Variants in FKBP1B observed in about 807,000 individuals in gnomAD.
The protein encoded by FKBP1B is peptidyl-prolyl cis-trans isomerase FKBP1B.
Under a neutral mutation model 13.5 loss-of-function variants are expected in FKBP1B, and 4 were observed. The ratio of observed to expected loss-of-function variants is 0.30; its 90% CI spans 0.15 to 0.68. The LOEUF (loss-of-function observed/expected upper bound fraction) is 0.68. Among genes scored for constraint, FKBP1B ranks in the 30% least tolerant of loss-of-function variants. FKBP1B has a pLI of 0.76. For synonymous variants in FKBP1B, 54 were observed against 53.6 expected (o/e 1.01, Z -0.03); for missense variants, 93 against 136.2 (o/e 0.68, Z 1.58).
In FKBP1B at chr2:24,050,197, T is replaced by C. The variant is rs1318322709; in HGVS notation, c.37+311T>C. On this transcript the variant is annotated intron_variant, in intron 1 of 3. Coordinates refer to ENST00000380986, the MANE Select transcript of FKBP1B (RefSeq NM_004116.5). The surrounding 1 kb of genome is among the most constrained non-coding windows in gnomAD (Gnocchi z 5.8). ...CGGCTGCAGTCGTTCGGTTATCCGCTGCTGCTGATACCCCAGCCTGGGTTT... is the reference window on the plus strand; with the variant it reads ...CGGCTGCAGTCGTTCGGTTATCCGCCGCTGCTGATACCCCAGCCTGGGTTT... Among the ~76,000 whole-genome samples the C allele has an allele frequency of 6.6e-6, 1 of 152,122 alleles. No homozygotes were observed. The highest frequency in any genetic ancestry group is 2.4e-5 in the African/African-American group (1 of 41,440).
rs1264400095 is a variant in FKBP1B, at chr2:24,054,035, C to T, written c.85+86C>T. The stretch of plus-strand genomic sequence containing the variant: ...TGAGCTTCTCTCCAGAGGTGCCTGC[C>T]TCTGGATCAGGGCTAAAGCCCAAGG... On this transcript the variant is annotated intron_variant, in intron 2 of 3. Transcript: ENST00000380986. 3.0e-6 allele frequency: 4 copies of T among 1,354,742 alleles called. No homozygotes were observed. The African/African-American group carries it at 5.7e-5, about 19-fold the overall frequency. 83.9% of individuals were successfully genotyped at this position (1,354,742 alleles called of 1,614,324 possible). A position where few individuals can be genotyped will look rare whatever the true frequency, so the allele number is the denominator to read the frequency against.
chr2:24,036,873 C>T, the FKBP1B span, among the ~76,000 whole-genome samples: 1 of 152,178 alleles, frequency 6.6e-6, no homozygotes, highest in African/African-American at 2.4e-5. Flanking sequence ...TGTTAAGCTG[C>T]TGGTTACAGC....
Position 24,049,766 on chromosome 2 carries a change from G to T in FKBP1B, c.-84G>T, listed in dbSNP as rs1025264632. Reference sequence around the variant, plus strand: ...GCAGTGGCGGCGAGGAGGCGAGCCGGAGCGACGGCGGGGCTGGGGCCGGAG... The same window carrying T: ...GCAGTGGCGGCGAGGAGGCGAGCCGTAGCGACGGCGGGGCTGGGGCCGGAG... On this transcript the variant is annotated 5_prime_UTR_variant, in exon 1 of 4. Coordinates refer to ENST00000380986, the MANE Select transcript of FKBP1B (RefSeq NM_004116.5). The T allele has an allele frequency of 2.8e-5, 33 of 1,166,052 alleles. No homozygotes were observed. The highest frequency in any genetic ancestry group is 3.3e-5 in the Non-Finnish European group (30 of 911,848). The allele number at this position is 1,166,052 out of a possible 1,614,324, so 72.2% of individuals were successfully genotyped here. A position where few individuals can be genotyped will look rare whatever the true frequency, so the allele number is the denominator to read the frequency against.
chr2:24,047,388 T>G (rs895996300), upstream of FKBP1B: 1 of 152,046 alleles, frequency 6.6e-6, no homozygotes, highest in Non-Finnish European at 1.5e-5. Flanking sequence ...ACATAAGAAG[T>G]TCTGGGCAGC....
chr2:24,037,848 T>G, the FKBP1B span: 1 of 1,614,204 alleles, frequency 6.2e-7, no homozygotes, highest in East Asian at 2.2e-5. Context: ...CCTTTTCACT[T>G]TGTAAGTTCT....
At position 24,063,390 on chromosome 2, in the gene FKBP1B, C is replaced by T; in HGVS notation, c.*198C>T. ...TCATGCGAATTCTTGCTTGAGGAAA[C>T]TTCGGTTGCAGATTGAAGCATTTCA... On this transcript the variant is annotated 3_prime_UTR_variant, in exon 4 of 4. Coordinates refer to ENST00000380986, the MANE Select transcript of FKBP1B (RefSeq NM_004116.5). 1.9e-6 allele frequency: 1 copy of T among 528,576 alleles called. No homozygotes were observed. 32.7% of individuals were successfully genotyped at this position (528,576 alleles called of 1,614,324 possible).
intron 2 of FKBP1B, among the ~76,000 whole-genome samples, chr2:24,059,061 T>C (rs536506476): frequency 1.3e-5 from 2 of 152,322 alleles, no homozygotes; most frequent in South Asian, 4.1e-4. Flanking sequence ...TCTGAGGCCC[T>C]GGGAGAGGAA....
chr2:24,037,526 G>T, the FKBP1B span: 1 of 842,150 alleles, frequency 1.2e-6, no homozygotes, highest in Non-Finnish European at 1.8e-6. Flanking sequence ...CAACCAACCT[G>T]CAAAGGTGTA....
chr2:24,038,134 G>A, the FKBP1B span: 28 of 1,614,010 alleles, frequency 1.7e-5, no homozygotes, highest in Admixed American at 1.8e-4. Flanking sequence ...TTTATTTAAC[G>A]GAGCACTGAA....
chr2:24,056,344 T>C (rs1664126756), intron 2 of FKBP1B, among the ~76,000 whole-genome samples: 2 of 151,562 alleles, frequency 1.3e-5, no homozygotes, highest in South Asian at 4.2e-4. Flanking sequence ...CATTGTGGGT[T>C]TTTTTGTTTT....
chr2:24,048,357 G>C (rs1663698926), upstream of FKBP1B, among the ~76,000 whole-genome samples: 1 of 151,288 alleles, frequency 6.6e-6, no homozygotes, highest in South Asian at 2.1e-4. Context: ...TGTAATCCCA[G>C]CTACTTGGGA....
intron 2 of FKBP1B, 24 bp from the exon 3 acceptor site, chr2:24,060,790 T>G: frequency 6.3e-7 from 1 of 1,578,512 alleles, no homozygotes; most frequent in South Asian, 1.1e-5. Flanking sequence ...ACAGCTCTAT[T>G]GCACCCGATT....
the FKBP1B span, chr2:24,039,517 A>C: frequency 6.2e-7 from 1 of 1,600,400 alleles, no homozygotes; most frequent in South Asian, 1.1e-5. Flanking sequence ...GGTTACCTGA[A>C]ATGATTAAGA....
At chr2:24,039,743 C>T in the FKBP1B span, among the ~76,000 whole-genome samples, 1 of 151,990 alleles carries the variant, frequency 6.6e-6, no homozygotes, top group African/African-American at 2.4e-5. Context: ...ATTTTTAGAA[C>T]TGGGGAAATC....
At chr2:24,034,228 C>G in the FKBP1B span, among the ~76,000 whole-genome samples, 1 of 152,164 alleles carries the variant, frequency 6.6e-6, no homozygotes, top group African/African-American at 2.4e-5. Context: ...CGAGACCAGC[C>G]TGGCCAACAT....
At chr2:24,054,236 G>A in intron 2 of FKBP1B, 1 of 603,984 alleles carries the variant, frequency 1.7e-6, no homozygotes, top group Non-Finnish European at 3.1e-6. Flanking sequence ...TTGCAGGTAT[G>A]GTGGAGCCCC....
chr2:24,052,030 G>C (rs532130755), intron 1 of FKBP1B, among the ~76,000 whole-genome samples: 26 of 152,194 alleles, frequency 1.7e-4, no homozygotes, highest in Non-Finnish European at 3.4e-4. Flanking sequence ...TATTCATCCA[G>C]TTGCCCAAAC....
chr2:24,053,955 T>G lies in FKBP1B; in HGVS notation c.85+6T>G. ...GTGTGTGGTGCACTACACAGGTAAG[T>G]CTCACCCCCTCAGCCCCCACCCAGT... On this transcript the variant is annotated splice_donor_region_variant and intron_variant, in intron 2 of 3. Transcript: ENST00000380986. 1 of 1,613,956 alleles carries G rather than the reference T, an allele frequency of 6.2e-7. No homozygotes were observed. The highest frequency in any genetic ancestry group is 8.5e-7 in the Non-Finnish European group (1 of 1,179,832).
At chr2:24,046,720 A>C (rs1663637415), upstream of FKBP1B, among the ~76,000 whole-genome samples, 3 of 152,210 alleles carry the variant, frequency 2.0e-5, no homozygotes, top group South Asian at 6.2e-4. Context: ...AACAAAAATC[A>C]TACACAAGAA....
Sources: gnomAD v4.1 joint callset for allele counts (sites outside exome capture counted in the v4.1 genomes callset) on GRCh38, gnomAD v4.1.1 for gene constraint, Gnocchi (gnomAD v3.1) non-coding constraint, MANE v1.5 for transcripts, NCBI Gene and HGNC (gene_info 2026-07-23, HGNC 2026-07-21) for gene names.